SART1: variants seen among roughly 807,000 people sequenced by gnomAD.
SART1 encodes the protein U4/U6.U5 tri-snRNP-associated protein 1.
A neutral mutation model predicts 105.0 loss-of-function variants in SART1; 28 were observed. The observed-to-expected ratio is 0.27, with a 90% confidence interval of 0.20 to 0.37. SART1 has a LOEUF of 0.37. SART1 is among the 10% of genes least tolerant of loss of function. The pLI, the probability that SART1 is intolerant of heterozygous loss-of-function variation, is 1.00. For synonymous variants in SART1, 472 were observed against 462.9 expected, an observed-to-expected ratio of 1.02 and a Z score of -0.25; for missense variants, 894 against 1,106.5, an observed-to-expected ratio of 0.81 and a Z score of 2.72.
chr11:65,974,424 T>G (rs1855443172), intron 12 of SART1, among the ~76,000 whole-genome samples: 1 of 147,638 alleles, frequency 6.8e-6, no homozygotes, highest in African/African-American at 2.5e-5. Context: ...TTCACACCTA[T>G]AGTCCCAGCA....
intron 1 of SART1, 29 bp downstream of exon 1, chr11:65,962,122 GGGTCGGGC>G: frequency 8.8e-7 from 1 of 1,140,012 alleles, no homozygotes; most frequent in Non-Finnish European, 1.2e-6. Flanking sequence ...CGCAGGGGGC[GGGTCGGGC>G]GGGGGTCCCG....
chr11:65,968,706 C>G (rs1395752645), intron 12 of SART1, among the ~76,000 whole-genome samples: 1 of 152,118 alleles, frequency 6.6e-6, no homozygotes, highest in African/African-American at 2.4e-5. Flanking sequence ...CAGCAGGTGT[C>G]TCAGGAGAAG....
At position 65,978,329 on chromosome 11, in the gene SART1, G is replaced by A. The variant is rs750187579; in HGVS notation, c.2173-271G>A. Among the ~76,000 whole-genome samples, 7 of 151,444 alleles carry A rather than the reference G, an allele frequency of 4.6e-5. No individual in the cohort carries two copies. Among genetic ancestry groups the A allele is most frequent in the East Asian group, 2.1e-4 (1 of 4,768 alleles). On this transcript the variant is annotated intron_variant, in intron 17 of 19. Coordinates refer to ENST00000312397, the MANE Select transcript of SART1 (RefSeq NM_005146.5). The surrounding 1 kb of genome is among the most constrained non-coding windows in gnomAD (Gnocchi z 6.8). ...CTGCAGCCCCAGCCCCAGCCCCAGCGTCCAGGCCCAGCCCCTGCGTGGCAG... is the reference window on the plus strand; with the variant it reads ...CTGCAGCCCCAGCCCCAGCCCCAGCATCCAGGCCCAGCCCCTGCGTGGCAG...
chr11:65,966,298 GT>G, intron 8 of SART1, 51 bp from the exon 9 acceptor site: 1 of 1,613,838 alleles, frequency 6.2e-7, no homozygotes, highest in Non-Finnish European at 8.5e-7. Context: ...TGGTGGCTCA[GT>G]GGCTTTTCAG....
At position 65,961,920 on chromosome 11, in the gene SART1, G is replaced by A; in HGVS notation, c.140G>A (p.Gly47Asp). 1 of 1,535,818 alleles carries A rather than the reference G, an allele frequency of 6.5e-7. No homozygotes were observed. Among genetic ancestry groups the A allele is most frequent in the Non-Finnish European group, 8.8e-7 (1 of 1,139,930 alleles). Residue 47 changes from glycine (G) to aspartate (D), a missense_variant, in exon 1 of 20, where the codon GGT becomes GAT. Physicochemically the swap from Gly to Asp is moderately conservative, Grantham distance 94 (BLOSUM62 -1). Around this residue, in one of 2 missense-constraint regions of SART1, gnomAD observed 712 missense variants for 778.2 expected, o/e 0.91. Transcript: ENST00000312397. ...AAGCACCGGAGTGGCGGCAGTGGCG[G>A]TAGCGGTGGCGAACGACGGAAGCGG... is the stretch of plus-strand genomic sequence containing the variant. ...KHKHRSGGSG[G>D]SGGERRKRSR...
Position 65,962,103 on chromosome 11 carries a change from CG to C in SART1, c.313+14del. 9.8e-6 allele frequency: 1 copy of C among 102,268 alleles called. No homozygotes were observed. Among genetic ancestry groups the C allele is most frequent in the Non-Finnish European group, 1.3e-5 (1 of 76,138 alleles). 6.3% of individuals were successfully genotyped at this position (102,268 alleles called of 1,614,324 possible). A position where few individuals can be genotyped will look rare whatever the true frequency, so the allele number is the denominator to read the frequency against. On this transcript the variant is annotated intron_variant, in intron 1 of 19. Transcript: ENST00000312397. The stretch of plus-strand genomic sequence containing the variant: ...GACGGCTACGAGGCCGGTGAGGAGG[CG>C]GGGCCTGCGCAGGGGGCGGGTCGGG...
rs188245267 is a variant in SART1 at position 65,965,381 on chromosome 11, C to T, written c.594C>T (p.Asp198=). The T allele has an allele frequency of 3.3e-4, 518 of 1,585,668 alleles. No individual in the cohort carries two copies. Among genetic ancestry groups the T allele is most frequent in the East Asian group, 2.8e-3 (121 of 43,228 alleles). ...KTLGEDDPWL[D]DTAAWIERSR... Reference sequence around the variant, plus strand: ...TAGGAGAGGATGACCCCTGGCTGGACGACACTGCAGCCTGGATCGAGAGGA... The same window carrying T: ...TAGGAGAGGATGACCCCTGGCTGGATGACACTGCAGCCTGGATCGAGAGGA... The change falls in exon 5 of 20, where the codon GAC becomes GAT. Residue 198 remains aspartate (D), a synonymous_variant. Transcript: ENST00000312397.
At chr11:65,972,790 A>G (rs1006928674) in intron 12 of SART1, among the ~76,000 whole-genome samples, 2 of 151,998 alleles carry the variant, frequency 1.3e-5, no homozygotes, top group African/African-American at 4.8e-5. Context: ...TGTCTCAAAA[A>G]AAAAAAAAAA....
rs1381191417 is a variant in SART1, at chr11:65,962,092, C to A, written c.312C>A (p.Ala104=). 3.0e-6 allele frequency: 2 copies of A among 661,626 alleles called. No homozygotes were observed. The highest frequency in any genetic ancestry group is 1.8e-6 in the Non-Finnish European group (1 of 565,264). The allele number at this position is 661,626 out of a possible 1,614,324, so 41.0% of individuals were successfully genotyped here. ...AGAAGCGCGATGACGGCTACGAGGC[C>A]GGTGAGGAGGCGGGGCCTGCGCAGG... ...KREKRDDGYE[A]AASSKTSSGD... The change falls in exon 1 of 20, where the codon GCC becomes GCA. Residue 104 remains alanine (A), a splice_region_variant and synonymous_variant. Transcript: ENST00000312397.
intron 1 of SART1, 83 bp from the exon 2 acceptor site, chr11:65,963,991 T>G (rs752004691): frequency 7.9e-7 from 1 of 1,273,534 alleles, no homozygotes; most frequent in Non-Finnish European, 1.1e-6. Flanking sequence ...GGGGCCCTCA[T>G]TTTTGTTCCT....
At chr11:65,968,803 C>T (rs1024463457) in intron 12 of SART1, among the ~76,000 whole-genome samples, 2 of 152,086 alleles carry the variant, frequency 1.3e-5, no homozygotes, top group African/African-American at 4.8e-5. Context: ...GGTAGGGGGC[C>T]AACGCAGGGG....
rs753024076 is a variant in SART1 at position 65,967,668 on chromosome 11, GT to G, written c.1430-8del. 3 of 1,578,792 alleles carry G rather than the reference GT, an allele frequency of 1.9e-6. No homozygotes were observed. The African/African-American group carries it at 4.0e-5, about 21-fold the overall frequency. ...GATGGTCTGAGCAGGCATCCCCTGT[GT>G]TTCCCCCAGAGGAAGGTGGAGCTCC... On this transcript the variant is annotated splice_polypyrimidine_tract_variant and intron_variant, in intron 11 of 19. Coordinates refer to ENST00000312397, the MANE Select transcript of SART1 (RefSeq NM_005146.5).
chr11:65,966,337 T>A lies in SART1; in HGVS notation c.982-13T>A. ...GCCAGCCTGGGTCCCAACCTGTACCTCTTGCCTTGCAGCAAAAACCTCGCT... is the reference window on the plus strand; with the variant it reads ...GCCAGCCTGGGTCCCAACCTGTACCACTTGCCTTGCAGCAAAAACCTCGCT... On this transcript the variant is annotated splice_polypyrimidine_tract_variant and intron_variant, in intron 8 of 19. Transcript: ENST00000312397. 1 of 1,613,998 alleles carries A rather than the reference T, an allele frequency of 6.2e-7. No individual in the cohort carries two copies. Among genetic ancestry groups the A allele is most frequent in the Non-Finnish European group, 8.5e-7 (1 of 1,180,022 alleles).
chr11:65,963,389 G>T (rs148588114), intron 1 of SART1, among the ~76,000 whole-genome samples: 40 of 152,258 alleles, frequency 2.6e-4, no homozygotes, highest in African/African-American at 9.6e-4. Flanking sequence ...GGAGAGGTTG[G>T]GATCCATGGC....
At chr11:65,964,045 C>T (rs1200235659) in intron 1 of SART1, 29 bp from the exon 2 acceptor site, 2 of 1,605,860 alleles carry the variant, frequency 1.2e-6, no homozygotes, top group Non-Finnish European at 1.7e-6. Flanking sequence ...CTGTGTTCAG[C>T]TCCTGAGCCA....
At chr11:65,977,220 T>C in intron 15 of SART1, 119 bp downstream of exon 15, 1 of 732,728 alleles carries the variant, frequency 1.4e-6, no homozygotes, top group South Asian at 1.7e-5. Context: ...TGGAGCCAGC[T>C]GTCCGGCCCA....
At position 65,976,295 on chromosome 11, in the gene SART1, G is replaced by T. The variant is rs1565317812; in HGVS notation, c.1573-100G>T. ...TGGGCCTGCATGGGCTGTGGGCGTGGCCTGTCTGGCTGCTGCCAGGGAGGA... is the reference window on the plus strand; with the variant it reads ...TGGGCCTGCATGGGCTGTGGGCGTGTCCTGTCTGGCTGCTGCCAGGGAGGA... On this transcript the variant is annotated intron_variant, in intron 12 of 19. Coordinates refer to ENST00000312397, the MANE Select transcript of SART1 (RefSeq NM_005146.5). This position sits in a 1 kb window ranked among gnomAD's most constrained non-coding sequence, Gnocchi z 5.1. 4 of 1,284,146 alleles carry T rather than the reference G, an allele frequency of 3.1e-6. No individual in the cohort carries two copies. The East Asian group carries it at 1.0e-4, about 34-fold the overall frequency. The allele number at this position is 1,284,146 out of a possible 1,614,324, so 79.5% of individuals were successfully genotyped here.
intron 8 of SART1, 28 bp from the exon 9 acceptor site, chr11:65,966,322 G>A (rs1253143662): frequency 6.2e-7 from 1 of 1,613,958 alleles, no homozygotes; most frequent in Admixed American, 1.7e-5. Flanking sequence ...GCCAGCCTGG[G>A]TCCCAACCTG....
Position 65,978,594 on chromosome 11 carries a change from C to A in SART1, c.2173-6C>A. On this transcript the variant is annotated splice_region_variant and splice_polypyrimidine_tract_variant and intron_variant, in intron 17 of 19. Coordinates refer to ENST00000312397, the MANE Select transcript of SART1 (RefSeq NM_005146.5). The surrounding 1 kb of genome is among the most constrained non-coding windows in gnomAD (Gnocchi z 6.8). ...CTGCATCTCCTCTCATGCCCCGCGT[C>A]CCCAGGCTTTCCGGCAGCTGTCGCA... 1 of 1,556,812 alleles carries A rather than the reference C, an allele frequency of 6.4e-7. No homozygotes were observed. Among genetic ancestry groups the A allele is most frequent in the South Asian group, 1.2e-5 (1 of 85,064 alleles).
Sources: gnomAD v4.1 joint callset for allele counts (sites outside exome capture counted in the v4.1 genomes callset) on GRCh38, gnomAD v4.1.1 for gene constraint, gnomAD v4.1.1 regional missense constraint, Gnocchi (gnomAD v3.1) non-coding constraint, MANE v1.5 for transcripts, NCBI Gene and HGNC (gene_info 2026-07-23, HGNC 2026-07-21) for gene names.